ITPK1: variants seen among roughly 807,000 people sequenced by gnomAD.
ITPK1 encodes the protein inositol-tetrakisphosphate 1-kinase.
ITPK1 carries 21 observed loss-of-function variants against 45.3 expected under a neutral mutation model. That is an observed-to-expected ratio of 0.46 (90% confidence interval 0.33 to 0.67). ITPK1 has a LOEUF of 0.67. Among genes scored for constraint, ITPK1 ranks in the 30% least tolerant of loss-of-function variants. The probability of loss-of-function intolerance (pLI) is 0.02; values close to 1 mark genes in which losing one functional copy is unlikely to be tolerated. For missense variants in ITPK1, 474 were observed against 573.5 expected, an observed-to-expected ratio of 0.83 and a Z score of 1.77; for synonymous variants, 258 against 253.6, an observed-to-expected ratio of 1.02 and a Z score of -0.16.
At chr14:93,085,366 G>A (rs946641677) in intron 2 of ITPK1, among the ~76,000 whole-genome samples, 1 of 152,068 alleles carries the variant, frequency 6.6e-6, no homozygotes, top group African/African-American at 2.4e-5. Context: ...CCCCCCGACC[G>A]GGTGCCCCAC....
In ITPK1 at chr14:93,068,004, C is replaced by CA. The variant is rs11292611; in HGVS notation, c.120+8590dup. The CA allele has an allele frequency of 5.9e-3, 794 of 134,428 alleles. 5 individuals are homozygous for CA. Among genetic ancestry groups the CA allele is most frequent in the African/African-American group, 0.019 (671 of 36,036 alleles). 8.3% of individuals were successfully genotyped at this position (134,428 alleles called of 1,614,324 possible). On this transcript the variant is annotated intron_variant, in intron 3 of 10. Transcript: ENST00000267615. ...ACCCAAAAGTGATACAGAGGGGAGG[C>CA]AAAAAAAAAAAAAAAATACTATATT...
At chr14:93,008,144 TC>T (rs749065531) in intron 4 of ITPK1, among the ~76,000 whole-genome samples, 1 of 152,232 alleles carries the variant, frequency 6.6e-6, no homozygotes, top group Non-Finnish European at 1.5e-5. Context: ...CTCCTGAGTG[TC>T]CTGCCCTTTA....
At chr14:93,073,591 G>A (rs887978922) in intron 3 of ITPK1, among the ~76,000 whole-genome samples, 1 of 152,248 alleles carries the variant, frequency 6.6e-6, no homozygotes, top group African/African-American at 2.4e-5. Context: ...GCGTTTTGCA[G>A]TCTTGAGTCC....
intron 5 of ITPK1, among the ~76,000 whole-genome samples, chr14:92,970,795 G>A (rs1396102944): frequency 6.6e-6 from 1 of 152,108 alleles, no homozygotes; most frequent in African/African-American, 2.4e-5. Context: ...ACCATGTCTG[G>A]CTAATTTTTT....
chr14:93,094,850 G>T (rs1566783029), intron 2 of ITPK1, among the ~76,000 whole-genome samples: 1 of 152,204 alleles, frequency 6.6e-6, no homozygotes, highest in Non-Finnish European at 1.5e-5. Context: ...CATCTGCACC[G>T]GCCCTACATG....
intron 3 of ITPK1, among the ~76,000 whole-genome samples, chr14:93,046,169 C>T (rs1478576171): frequency 6.6e-6 from 1 of 152,222 alleles, no homozygotes; most frequent in Non-Finnish European, 1.5e-5. Flanking sequence ...ACCTCATCGC[C>T]CAGGCTGACC....
chr14:92,999,677 A>G lies in ITPK1; in HGVS notation c.247-5680T>C, dbSNP rs370893983. Among the ~76,000 whole-genome samples, 4 of 152,340 alleles carry G rather than the reference A, an allele frequency of 2.6e-5. No individual in the cohort carries two copies. In the South Asian group the frequency reaches 8.3e-4, roughly 32 times the overall value. Reference sequence around the variant, plus strand: ...AGCTGGAGGCCGCCAGGCCCAGTTAACTGGGCCTTCCTCATTGTAAGCCCG... The same window carrying G: ...AGCTGGAGGCCGCCAGGCCCAGTTAGCTGGGCCTTCCTCATTGTAAGCCCG... On this transcript the variant is annotated intron_variant, in intron 4 of 10. Coordinates refer to ENST00000267615, the MANE Select transcript of ITPK1 (RefSeq NM_014216.6).
chr14:92,996,792 C>T (rs920437981), intron 4 of ITPK1, among the ~76,000 whole-genome samples: 9 of 152,234 alleles, frequency 5.9e-5, no homozygotes, highest in Admixed American at 3.3e-4. Context: ...CAGGAAGCAG[C>T]CTGGTGTAGT....
rs569468965 is a variant in ITPK1, at chr14:92,999,877, C to A, written c.247-5880G>T. ...CAATTTTAGAACGTTTTCATCCCATCCGAAGGAAATCCCATTCCCTTTCAC... is the reference window on the plus strand; with the variant it reads ...CAATTTTAGAACGTTTTCATCCCATACGAAGGAAATCCCATTCCCTTTCAC... On this transcript the variant is annotated intron_variant, in intron 4 of 10. Transcript: ENST00000267615. 2.4e-3 allele frequency among the ~76,000 whole-genome samples: 366 copies of A among 152,362 alleles called. 2 individuals are homozygous for A. Among genetic ancestry groups the A allele is most frequent in the African/African-American group, 8.2e-3 (340 of 41,584 alleles).
At chr14:93,049,005 T>G (rs572348066) in intron 3 of ITPK1, among the ~76,000 whole-genome samples, 3 of 152,038 alleles carry the variant, frequency 2.0e-5, no homozygotes, top group African/African-American at 7.2e-5. Context: ...GCACATAACA[T>G]GGGCACCCCC....
At chr14:93,075,344 AAAAAAAAAAAAAAAAAAG>A (rs1191766874) in intron 3 of ITPK1, among the ~76,000 whole-genome samples, 10 of 144,696 alleles carry the variant, frequency 6.9e-5, no homozygotes, top group Admixed American at 4.7e-4. Context: ...AAAAAAAAAA[AAAAAAAAAAAAAAAAAAG>A]GAAGAGAAAA....
At chr14:93,096,436 A>G (rs548206804) in intron 2 of ITPK1, among the ~76,000 whole-genome samples, 1 of 152,308 alleles carries the variant, frequency 6.6e-6, no homozygotes, top group South Asian at 2.1e-4. Flanking sequence ...TCCAAATGAC[A>G]AGACCTTGTC....
In ITPK1 at chr14:92,940,600, A is replaced by T. The variant is rs1887315799; in HGVS notation, c.*961T>A. ...CCCCGATCTCCATGGTGTCATGCCG[A>T]GGCTCCCGCGCCTATCCTCACCTAG... is the stretch of plus-strand genomic sequence containing the variant. On this transcript the variant is annotated 3_prime_UTR_variant, in exon 11 of 11. Coordinates refer to ENST00000267615, the MANE Select transcript of ITPK1 (RefSeq NM_014216.6). 8.4e-7 allele frequency: 1 copy of T among 1,196,414 alleles called. No individual in the cohort carries two copies. Among genetic ancestry groups the T allele is most frequent in the Admixed American group, 3.4e-5 (1 of 29,794 alleles). 74.1% of individuals were successfully genotyped at this position (1,196,414 alleles called of 1,614,324 possible).
intron 3 of ITPK1, among the ~76,000 whole-genome samples, chr14:93,062,226 G>A (rs1005848061): frequency 7.9e-5 from 12 of 152,012 alleles, no homozygotes; most frequent in African/African-American, 2.4e-4. Flanking sequence ...AGCCAAGATC[G>A]AGCCATTGCA....
At chr14:93,022,252 C>G (rs1416293771) in intron 3 of ITPK1, among the ~76,000 whole-genome samples, 1 of 152,168 alleles carries the variant, frequency 6.6e-6, no homozygotes, top group African/African-American at 2.4e-5. Flanking sequence ...AGGAAATGAT[C>G]AACAAGTGAA....
intron 5 of ITPK1, among the ~76,000 whole-genome samples, chr14:92,991,696 C>T (rs937152215): frequency 1.1e-4 from 16 of 152,080 alleles, no homozygotes; most frequent in African/African-American, 1.7e-4. Flanking sequence ...TGACTTCCTA[C>T]GGTCCACCTC....
intron 2 of ITPK1, among the ~76,000 whole-genome samples, chr14:93,095,105 A>G (rs938603069): frequency 2.0e-5 from 3 of 152,240 alleles, no homozygotes; most frequent in East Asian, 3.9e-4. Flanking sequence ...CTCCGCACCA[A>G]CTGGGCTCCC....
At chr14:92,944,495 C>T (rs754990985) in intron 10 of ITPK1, among the ~76,000 whole-genome samples, 3 of 151,162 alleles carry the variant, frequency 2.0e-5, no homozygotes, top group Non-Finnish European at 4.4e-5. Flanking sequence ...TTATCTGCAC[C>T]CATAGATCGC....
intron 3 of ITPK1, among the ~76,000 whole-genome samples, chr14:93,030,310 C>G (rs1888968845): frequency 6.6e-6 from 1 of 152,194 alleles, no homozygotes. Flanking sequence ...AAAGAGAAAC[C>G]GTTACTGCTT....
Sources: gnomAD v4.1 joint callset for allele counts (sites outside exome capture counted in the v4.1 genomes callset) on GRCh38, gnomAD v4.1.1 for gene constraint, MANE v1.5 for transcripts, NCBI Gene and HGNC (gene_info 2026-07-23, HGNC 2026-07-21) for gene names.